SRL: variants seen among roughly 807,000 people sequenced by gnomAD.
The protein encoded by SRL is sarcalumenin.
In SRL, 23 loss-of-function variants were observed where a neutral mutation model predicts 39.5. The observed-to-expected ratio is 0.58, with a 90% CI of 0.42 to 0.82. The LOEUF (loss-of-function observed/expected upper bound fraction) is 0.82. Ranked by LOEUF, SRL falls within the 40% of genes least tolerant of loss-of-function variation. The pLI is 0.00. For missense variants in SRL, 592 were observed against 607.8 expected (o/e 0.97, Z 0.27); for synonymous variants, 272 against 237.4 (o/e 1.15, Z -1.34).
In SRL at chr16:4,204,489, G is replaced by C. The variant is rs142234010; in HGVS notation, c.163+44C>G. 9,863 of 1,521,910 alleles carry C rather than the reference G, an allele frequency of 6.5e-3. 52 individuals are homozygous for C. The highest frequency in any genetic ancestry group is 8.3e-3 in the South Asian group (734 of 88,030). The allele number at this position is 1,521,910 out of a possible 1,614,324, so 94.3% of individuals were successfully genotyped here. ...CCAGGAGTCTGCCCGGGCCCTGGTG[G>C]CCGGGCTCTCCCAGCCCTGGGCATA... On this transcript the variant is annotated intron_variant, in intron 2 of 5. Coordinates refer to ENST00000399609, the MANE Select transcript of SRL (RefSeq NM_001098814.2).
At chr16:4,203,070 T>A in intron 3 of SRL, 96 bp downstream of exon 3, 2 of 1,057,570 alleles carry the variant, frequency 1.9e-6, no homozygotes, top group Non-Finnish European at 2.9e-6. Flanking sequence ...CCTGTGTGGG[T>A]ACCGGGAGAG....
At chr16:4,210,698 G>T (rs1231504601) in intron 1 of SRL, among the ~76,000 whole-genome samples, 1 of 152,036 alleles carries the variant, frequency 6.6e-6, no homozygotes, top group Non-Finnish European at 1.5e-5. Context: ...GGCTAGGCTG[G>T]TCTTGAACTC....
At chr16:4,227,873 A>G (rs1274188929) in intron 1 of SRL, among the ~76,000 whole-genome samples, 1 of 152,196 alleles carries the variant, frequency 6.6e-6, no homozygotes, top group African/African-American at 2.4e-5. Flanking sequence ...TTAAGATCTT[A>G]TTGGAGGGAA....
At chr16:4,200,917 T>G (rs1249653600) in intron 3 of SRL, among the ~76,000 whole-genome samples, 1 of 152,132 alleles carries the variant, frequency 6.6e-6, no homozygotes, top group African/African-American at 2.4e-5. Flanking sequence ...AACAGCCCAA[T>G]TAACACAGGG....
chr16:4,227,634 G>C (rs562088904), intron 1 of SRL, among the ~76,000 whole-genome samples: 2 of 152,232 alleles, frequency 1.3e-5, no homozygotes, highest in African/African-American at 4.8e-5. Flanking sequence ...CAAAATGGAA[G>C]ACCTTCCGTC....
At chr16:4,193,711 A>G (rs2052097576) in intron 5 of SRL, among the ~76,000 whole-genome samples, 1 of 152,196 alleles carries the variant, frequency 6.6e-6, no homozygotes, top group East Asian at 1.9e-4. Flanking sequence ...GGTGCAGAAT[A>G]CATTTTAATT....
intron 1 of SRL, among the ~76,000 whole-genome samples, chr16:4,238,727 A>C: frequency 6.7e-6 from 1 of 148,530 alleles, no homozygotes; most frequent in Admixed American, 6.8e-5. Context: ...GGTTCATGTG[A>C]TCCTCCCCCC....
chr16:4,199,693 C>CTTTTTT (rs35631556), intron 3 of SRL, among the ~76,000 whole-genome samples: 9 of 96,454 alleles, frequency 9.3e-5, no homozygotes, highest in African/African-American at 1.2e-4. Context: ...TTTTCTTTTC[C>CTTTTTT]TTTTTTTTTT....
At chr16:4,220,069 C>A (rs17136902) in intron 1 of SRL, among the ~76,000 whole-genome samples, 1 of 151,980 alleles carries the variant, frequency 6.6e-6, no homozygotes, top group African/African-American at 2.4e-5. Flanking sequence ...GCCTCCAGAG[C>A]AAATCTGACC....
At chr16:4,227,064 A>G (rs111218388) in intron 1 of SRL, among the ~76,000 whole-genome samples, 53 of 41,466 alleles carry the variant, frequency 1.3e-3, no homozygotes, top group Admixed American at 3.7e-3. Context: ...GGATGGATGG[A>G]TGGATGGATG....
At position 4,237,965 on chromosome 16, in the gene SRL, A is replaced by G. The variant is rs569154959; in HGVS notation, c.61+4042T>C. ...GACTAGATTCAGCTACGTGCAAGGG[A>G]GAAGACGCCTCCTCTCCCCTACTGG... On this transcript the variant is annotated intron_variant, in intron 1 of 5. Transcript: ENST00000399609. 7.2e-5 allele frequency among the ~76,000 whole-genome samples: 11 copies of G among 152,194 alleles called. 1 individual carries two copies. The South Asian group carries it at 2.3e-3, about 32-fold the overall frequency.
chr16:4,229,361 GTGAACA>G (rs2052633969), intron 1 of SRL, among the ~76,000 whole-genome samples: 1 of 151,704 alleles, frequency 6.6e-6, no homozygotes, highest in African/African-American at 2.4e-5. Flanking sequence ...GGAGAATGGC[GTGAACA>G]TGAACCCAGG....
At chr16:4,225,705 G>A (rs866222378) in intron 1 of SRL, among the ~76,000 whole-genome samples, 1 of 152,042 alleles carries the variant, frequency 6.6e-6, no homozygotes, top group Non-Finnish European at 1.5e-5. Context: ...CCCAGCCACT[G>A]TCATCTCCCA....
At position 4,192,491 on chromosome 16, in the gene SRL, TGAA is replaced by T. The variant is rs1160335205; in HGVS notation, c.1081_1083del (p.Phe361del). 3 of 1,614,096 alleles carry T rather than the reference TGAA, an allele frequency of 1.9e-6. No homozygotes were observed. The highest frequency in any genetic ancestry group is 2.2e-5 in the East Asian group (1 of 44,900). Reference sequence around the variant, plus strand: ...TCCTTAAAGACCAGTTCTCCATCACTGAAGAAGGTCATTTTGTCCTTGTAAGTC... The same window carrying T: ...TCCTTAAAGACCAGTTCTCCATCACTGAAGGTCATTTTGTCCTTGTAAGTC... On this transcript the variant is annotated inframe_deletion, in exon 6 of 6. Coordinates refer to ENST00000399609, the MANE Select transcript of SRL (RefSeq NM_001098814.2). This position sits in a 1 kb window ranked among gnomAD's most constrained non-coding sequence, Gnocchi z 4.0.
At chr16:4,193,953 TTACTAATATTAC>T (rs1942446458) in intron 5 of SRL, among the ~76,000 whole-genome samples, 2 of 150,366 alleles carry the variant, frequency 1.3e-5, no homozygotes, top group Admixed American at 6.7e-5. Context: ...TATAATATTA[TTACTAATATTAC>T]TACTAATATT....
Position 4,229,457 on chromosome 16 carries a change from A to G in SRL, c.61+12550T>C, listed in dbSNP as rs1289383568. Among the ~76,000 whole-genome samples, 4 of 152,116 alleles carry G rather than the reference A, an allele frequency of 2.6e-5. No individual in the cohort carries two copies. In the East Asian group the frequency reaches 7.7e-4, roughly 29 times the overall value. On this transcript the variant is annotated intron_variant, in intron 1 of 5. Transcript: ENST00000399609. ...AGAGCAAGACACCGTCTCAAAAAAAAACAAAAAACATGTTGTTTGCAGAAA... is the reference window on the plus strand; with the variant it reads ...AGAGCAAGACACCGTCTCAAAAAAAGACAAAAAACATGTTGTTTGCAGAAA...
intron 1 of SRL, among the ~76,000 whole-genome samples, chr16:4,209,510 C>A (rs2052366274): frequency 6.6e-6 from 1 of 152,134 alleles, no homozygotes; most frequent in Non-Finnish European, 1.5e-5. Context: ...TCTCAGGCCA[C>A]CACTTGCTAC....
chr16:4,192,560 G>A lies in SRL; in HGVS notation c.1015C>T (p.Arg339Trp), dbSNP rs774325272. 9.3e-6 allele frequency: 15 copies of A among 1,614,038 alleles called. No individual in the cohort carries two copies. Among genetic ancestry groups the A allele is most frequent in the Middle Eastern group, 1.6e-4 (1 of 6,084 alleles). The change falls in exon 6 of 6, where the codon CGG (arginine) becomes TGG (tryptophan). Residue 339 changes from arginine to tryptophan, a missense_variant. Coordinates refer to ENST00000399609, the MANE Select transcript of SRL (RefSeq NM_001098814.2). The surrounding 1 kb of genome is among the most constrained non-coding windows in gnomAD (Gnocchi z 4.0). The stretch of plus-strand genomic sequence containing the variant: ...ACCAGGAGGGCGTGGATGCGGACCC[G>A]GATGGCGTGCTGGCGGATGAAGGCA... Reference protein sequence around the residue: ...KIAFIRQHAIRVRIHALLVDR... With the variant: ...KIAFIRQHAIWVRIHALLVDR...
Position 4,220,673 on chromosome 16 carries a change from C to A in SRL, c.62-16039G>T, listed in dbSNP as rs78713928. On this transcript the variant is annotated intron_variant, in intron 1 of 5. Coordinates refer to ENST00000399609, the MANE Select transcript of SRL (RefSeq NM_001098814.2). The stretch of plus-strand genomic sequence containing the variant: ...TCATTCAACCCAACAGCAGCTTTCT[C>A]TGGTGAACTTTGTGTCACTGAGAGC... Among the ~76,000 whole-genome samples, 456 of 152,290 alleles carry A rather than the reference C, an allele frequency of 3.0e-3. 2 individuals are homozygous for A. Among genetic ancestry groups the A allele is most frequent in the African/African-American group, 0.01 (428 of 41,558 alleles).
Sources: allele counts gnomAD v4.1 joint callset (sites outside exome capture counted in the v4.1 genomes callset), GRCh38; gene constraint gnomAD v4.1.1; non-coding constraint Gnocchi (gnomAD v3.1); transcripts MANE v1.5; gene names NCBI Gene and HGNC (gene_info 2026-07-23, HGNC 2026-07-21).